RGS3: variants seen among roughly 807,000 people sequenced by gnomAD.
RGS3 encodes regulator of G protein signaling 3, also known as regulator of G-protein signalling 3.
Under a neutral mutation model 132.6 loss-of-function variants are expected in RGS3, and 80 were observed. The ratio of observed to expected loss-of-function variants is 0.60; its 90% CI spans 0.50 to 0.73. The LOEUF (loss-of-function observed/expected upper bound fraction) is 0.73, where lower values mean the gene tolerates loss of function less well. Among genes scored for constraint, RGS3 ranks in the 30% least tolerant of loss-of-function variants. The pLI is 0.00. For missense variants in RGS3, 1,382 were observed against 1,530.8 expected, an observed-to-expected ratio of 0.90 and a Z score of 1.62; for synonymous variants, 598 against 620.6, an observed-to-expected ratio of 0.96 and a Z score of 0.54.
In RGS3 at chr9:113,584,325, C is replaced by T. The variant is rs760206486; in HGVS notation, c.2913C>T (p.Ala971=). The T allele has an allele frequency of 1.0e-5, 16 of 1,601,424 alleles. No homozygotes were observed. In the African/African-American group the frequency reaches 2.0e-4, roughly 20 times the overall value. Residue 971 remains alanine (A), a synonymous_variant, in exon 20 of 25, where the codon GCC becomes GCT. Transcript: ENST00000350696. ...ACTGCTCAGACGGTGAGGGCGCCGC[C>T]TCCACCTGGGGCATGCCTTCGCCCA...
chr9:113,474,640 G>A (rs1829935328), intron 3 of RGS3, among the ~76,000 whole-genome samples: 1 of 152,178 alleles, frequency 6.6e-6, no homozygotes, highest in African/African-American at 2.4e-5. Flanking sequence ...GTTAGCGGCT[G>A]GCTAGGCTCC....
intron 1 of RGS3, among the ~76,000 whole-genome samples, chr9:113,451,715 A>G (rs1405760354): frequency 6.6e-6 from 1 of 151,598 alleles, no homozygotes; most frequent in Non-Finnish European, 1.5e-5. Flanking sequence ...TTCCTATCCT[A>G]GTTATACTGT....
intron 20 of RGS3, among the ~76,000 whole-genome samples, chr9:113,585,865 G>A (rs1835092071): frequency 6.6e-6 from 1 of 152,216 alleles, no homozygotes; most frequent in Non-Finnish European, 1.5e-5. Context: ...CTGAAAGCTA[G>A]TCATTCTGAC....
rs74487794 is a variant in RGS3 at position 113,502,060 on chromosome 9, G to A, written c.898-3382G>A. Among the ~76,000 whole-genome samples, 252 of 152,276 alleles carry A rather than the reference G, an allele frequency of 1.7e-3. 2 individuals carry two copies. The highest frequency in any genetic ancestry group is 5.5e-3 in the African/African-American group (228 of 41,538). On this transcript the variant is annotated intron_variant, in intron 10 of 24. Transcript: ENST00000350696. ...CTCATATGTGAGATCGGGTGTTTTC[G>A]TGTATATGTACATATGTATAACTTT...
chr9:113,497,950 G>T (rs763394443), intron 9 of RGS3, 75 bp from the exon 8 acceptor site: 49 of 1,476,214 alleles, frequency 3.3e-5, no homozygotes, highest in Non-Finnish European at 4.4e-5. Flanking sequence ...TCCCAGTGCT[G>T]TCCTCTGGGT....
intron 20 of RGS3, among the ~76,000 whole-genome samples, 161 bp downstream of exon 18, chr9:113,584,588 A>G (rs988910093): frequency 1.2e-4 from 19 of 152,352 alleles, no homozygotes; most frequent in African/African-American, 3.6e-4. Context: ...CTGAGGCCCA[A>G]TGGGACCAAG....
At chr9:113,479,686 C>G (rs1830101482) in intron 4 of RGS3, 145 bp downstream of exon 2, 1 of 738,462 alleles carries the variant, frequency 1.4e-6, no homozygotes, top group Non-Finnish European at 2.3e-6. Flanking sequence ...TGATAAAAGC[C>G]AGTATTCACC....
chr9:113,507,569 A>G lies in RGS3; in HGVS notation c.1368A>G (p.Ala456=), dbSNP rs1209373736. ...GCGGGGGCCAGCACACCCTGCCTGC[A>G]CTGTCCCGTGCCACTGCCCCCACCG... The change falls in exon 13 of 25, where the codon GCA becomes GCG. Residue 456 remains alanine (A), a synonymous_variant. Coordinates refer to ENST00000350696, the Ensembl canonical transcript of RGS3. The surrounding 1 kb of genome is among the most constrained non-coding windows in gnomAD (Gnocchi z 5.0). The G allele has an allele frequency of 6.4e-7, 1 of 1,558,382 alleles. No individual in the cohort carries two copies. Among genetic ancestry groups the G allele is most frequent in the African/African-American group, 1.3e-5 (1 of 74,168 alleles).
At chr9:113,572,874 C>A (rs888670132) in intron 19 of RGS3, among the ~76,000 whole-genome samples, 1 of 152,242 alleles carries the variant, frequency 6.6e-6, no homozygotes, top group African/African-American at 2.4e-5. Context: ...AGTTTCCCCC[C>A]CTGAAACCTG....
rs762571726 is a variant in RGS3, at chr9:113,591,328, C to A, written c.3016-5C>A. The A allele has an allele frequency of 6.2e-7, 1 of 1,613,350 alleles. No individual in the cohort carries two copies. Among genetic ancestry groups the A allele is most frequent in the Non-Finnish European group, 8.5e-7 (1 of 1,179,756 alleles). On this transcript the variant is annotated splice_polypyrimidine_tract_variant and splice_region_variant and intron_variant, in intron 20 of 24. Transcript: ENST00000350696. This position sits in a 1 kb window ranked among gnomAD's most constrained non-coding sequence, Gnocchi z 4.4. ...GACTGCATCGTGTCTGTCTTCTCTCCGCAGATGAGCGGGGCTGACACCGTT... is the reference window on the plus strand; with the variant it reads ...GACTGCATCGTGTCTGTCTTCTCTCAGCAGATGAGCGGGGCTGACACCGTT...
upstream of RGS3, among the ~76,000 whole-genome samples, chr9:113,458,940 T>C (rs1829414316): frequency 6.6e-6 from 1 of 152,148 alleles, no homozygotes; most frequent in Non-Finnish European, 1.5e-5. Flanking sequence ...TTAGCAAACA[T>C]GGGTTTCACC....
chr9:113,510,855 A>C (rs952130599), intron 14 of RGS3, among the ~76,000 whole-genome samples: 9 of 152,206 alleles, frequency 5.9e-5, no homozygotes, highest in African/African-American at 2.2e-4. Flanking sequence ...CCAGGGATCA[A>C]GTCTTTGTAG....
chr9:113,551,440 G>A (rs533490998), intron 19 of RGS3, among the ~76,000 whole-genome samples: 1 of 152,300 alleles, frequency 6.6e-6, no homozygotes, highest in East Asian at 1.9e-4. Context: ...ATATATGTGT[G>A]CAAGTTTTTT....
chr9:113,558,831 G>T (rs1833672166), intron 19 of RGS3, among the ~76,000 whole-genome samples: 1 of 152,216 alleles, frequency 6.6e-6, no homozygotes, highest in African/African-American at 2.4e-5. Flanking sequence ...TCAAGTTGAA[G>T]TTCTTTAAAC....
At chr9:113,467,248 G>A (rs577581091) in intron 3 of RGS3, among the ~76,000 whole-genome samples, 1 of 152,298 alleles carries the variant, frequency 6.6e-6, no homozygotes, top group South Asian at 2.1e-4. Context: ...ATATACCTAG[G>A]AGTAGATTTG....
chr9:113,504,995 T>C, intron 10 of RGS3: 1 of 167,050 alleles, frequency 6.0e-6, no homozygotes, highest in Non-Finnish European at 1.3e-5. Flanking sequence ...CAGGCTGGCC[T>C]TGACTTTGGG....
At chr9:113,446,616 A>G (rs1435958680) in intron 1 of RGS3, among the ~76,000 whole-genome samples, 1 of 152,230 alleles carries the variant, frequency 6.6e-6, no homozygotes, top group Admixed American at 6.5e-5. Flanking sequence ...TAAATGCTCC[A>G]GGGGACTGGT....
chr9:113,583,827 A>G (rs1367133540), exon 20 of RGS3: 2 of 1,613,830 alleles, frequency 1.2e-6, no homozygotes, highest in African/African-American at 1.3e-5. Context: ...CCATCCAGGA[A>G]TCCCCCACCC....
chr9:113,528,484 C>T (rs988577345), intron 17 of RGS3, among the ~76,000 whole-genome samples: 2 of 152,202 alleles, frequency 1.3e-5, no homozygotes, highest in Admixed American at 1.3e-4. Context: ...GAAGCTTTTC[C>T]CAGAAGCTGG....
Sources: allele counts gnomAD v4.1 joint callset (sites outside exome capture counted in the v4.1 genomes callset), GRCh38; gene constraint gnomAD v4.1.1; non-coding constraint Gnocchi (gnomAD v3.1); transcripts MANE v1.5; gene names NCBI Gene and HGNC (gene_info 2026-07-23, HGNC 2026-07-21).